Variants in UNC93A observed in about 807,000 individuals in gnomAD.
UNC93A encodes the protein unc-93 homolog A.
A neutral mutation model predicts 47.5 loss-of-function variants in UNC93A; 43 were observed. That is an observed-to-expected ratio of 0.91 (90% CI 0.71 to 1.17). The LOEUF is 1.17. UNC93A is among the 50% of genes most tolerant of loss of function. The pLI is 0.00. For synonymous variants in UNC93A, 280 were observed against 258.0 expected (o/e 1.09, Z -0.82); for missense variants, 605 against 577.6 (o/e 1.05, Z -0.49).
At chr6:167,277,403 C>A (rs1389398198) in intron 1 of UNC93A, among the ~76,000 whole-genome samples, 1 of 152,184 alleles carries the variant, frequency 6.6e-6, no homozygotes, top group Admixed American at 6.5e-5. Context: ...CTGGCCTGAC[C>A]AATTCAGGTG....
intron 7 of UNC93A, among the ~76,000 whole-genome samples, chr6:167,309,070 A>G (rs77838046): frequency 0.013 from 2,011 of 152,222 alleles, 50 homozygotes; most frequent in African/African-American, 0.046. Flanking sequence ...CCTGAGGGCA[A>G]GAGAGCTGGA....
intron 1 of UNC93A, among the ~76,000 whole-genome samples, chr6:167,294,191 T>A (rs1289582937): frequency 6.6e-6 from 1 of 152,150 alleles, no homozygotes; most frequent in Non-Finnish European, 1.5e-5. Context: ...CCCCATCCTG[T>A]CACACTGTCC....
At chr6:167,285,979 T>TAC (rs1554237667) in intron 1 of UNC93A, among the ~76,000 whole-genome samples, 16,474 of 141,808 alleles carry the variant, frequency 0.12, 1,224 homozygotes, top group Non-Finnish European at 0.15. Flanking sequence ...TATATATATA[T>TAC]ACACACACAC....
chr6:167,308,568 G>T (rs1008896680), intron 7 of UNC93A, among the ~76,000 whole-genome samples: 3 of 152,014 alleles, frequency 2.0e-5, no homozygotes, highest in African/African-American at 7.3e-5. Flanking sequence ...GTGGGGTGCA[G>T]GAGGAACCAG....
intron 1 of UNC93A, among the ~76,000 whole-genome samples, chr6:167,276,279 T>C (rs1562339537): frequency 1.3e-5 from 2 of 152,126 alleles, no homozygotes; most frequent in East Asian, 3.9e-4. Flanking sequence ...GTTGGTTCCA[T>C]ATCTTGGCTA....
At chr6:167,297,864 C>A in intron 3 of UNC93A, 81 bp from the exon 4 acceptor site, 1 of 1,555,008 alleles carries the variant, frequency 6.4e-7, no homozygotes, top group Non-Finnish European at 8.7e-7. Context: ...GTCCTTTCCA[C>A]TGTCACTTTG....
At position 167,277,336 on chromosome 6, in the gene UNC93A, C is replaced by T. The variant is rs116315499; in HGVS notation, c.-52+5878C>T. On this transcript the variant is annotated intron_variant, in intron 1 of 3. Coordinates refer to the UNC93A transcript ENST00000503433. The stretch of plus-strand genomic sequence containing the variant: ...CCTGCCTTGGCGACCTACCCTTAGC[C>T]GGTGGAGCCTTCCAGCTGGCCTCTG... Among the ~76,000 whole-genome samples the T allele has an allele frequency of 6.7e-3, 1,024 of 152,324 alleles. 17 individuals carry two copies. Among genetic ancestry groups the T allele is most frequent in the African/African-American group, 0.023 (954 of 41,560 alleles).
chr6:167,311,219 TA>T (rs1429740156), intron 7 of UNC93A, among the ~76,000 whole-genome samples: 1 of 152,200 alleles, frequency 6.6e-6, no homozygotes, highest in African/African-American at 2.4e-5. Context: ...CGACACCGAA[TA>T]AAACCCAATG....
chr6:167,307,172 G>A (rs1451230975), intron 6 of UNC93A, among the ~76,000 whole-genome samples: 2 of 152,192 alleles, frequency 1.3e-5, no homozygotes, highest in East Asian at 1.9e-4. Context: ...TAGCTTAGGG[G>A]CAACCTCAGG....
Position 167,297,947 on chromosome 6 carries a change from A to T in UNC93A, c.502A>T (p.Thr168Ser). Residue 168 changes from threonine (T) to serine (S), a missense_variant and splice_region_variant, in exon 4 of 8, where the codon ACC becomes TCC. Thr to Ser is a moderately conservative substitution (Grantham distance 58, BLOSUM62 1). Transcript: ENST00000230256. Reference protein sequence around the residue: ...LVFGQTPSQETLPEEQLTSCG... With the variant: ...LVFGQTPSQESLPEEQLTSCG... ...TCCTGTCCACTCTGACTTCATAGAG[A>T]CCCTTCCAGAAGAGCAGCTCACGTC... 6 of 1,613,568 alleles carry T rather than the reference A, an allele frequency of 3.7e-6. No homozygotes were observed. The highest frequency in any genetic ancestry group is 5.1e-6 in the Non-Finnish European group (6 of 1,179,886).
chr6:167,299,208 A>G (rs5742149), intron 4 of UNC93A, among the ~76,000 whole-genome samples: 32,370 of 99,012 alleles, frequency 0.33, 3,801 homozygotes, highest in African/African-American at 0.53. Context: ...ATATGTATAT[A>G]TATATATATA....
intron 1 of UNC93A, among the ~76,000 whole-genome samples, chr6:167,280,228 G>T (rs1002603581): frequency 2.0e-5 from 3 of 152,160 alleles, no homozygotes; most frequent in African/African-American, 7.2e-5. Flanking sequence ...CTTGAGAGTG[G>T]CTCCTACCCC....
At chr6:167,301,624 C>T (rs968138987) in intron 4 of UNC93A, among the ~76,000 whole-genome samples, 29 of 152,170 alleles carry the variant, frequency 1.9e-4, no homozygotes, top group Middle Eastern at 3.2e-3. Flanking sequence ...GACACCCGGA[C>T]ATACATAATT....
At chr6:167,313,373 G>A (rs562243146) in intron 7 of UNC93A, among the ~76,000 whole-genome samples, 1 of 152,218 alleles carries the variant, frequency 6.6e-6, no homozygotes, top group African/African-American at 2.4e-5. Flanking sequence ...TTCTTCATGT[G>A]ACATGTGAGG....
chr6:167,272,972 T>C (rs771753577), intron 1 of UNC93A, among the ~76,000 whole-genome samples: 28 of 152,014 alleles, frequency 1.8e-4, no homozygotes, highest in African/African-American at 2.4e-5. Flanking sequence ...AATTTAAGAG[T>C]GCCCTGGCAG....
chr6:167,306,950 CT>C (rs1778413946), intron 6 of UNC93A, among the ~76,000 whole-genome samples: 1 of 152,128 alleles, frequency 6.6e-6, no homozygotes, highest in Non-Finnish European at 1.5e-5. Context: ...AATCTGTGAC[CT>C]GCTGGGACGA....
intron 1 of UNC93A, among the ~76,000 whole-genome samples, chr6:167,273,425 C>T (rs532582587): frequency 5.9e-5 from 9 of 152,340 alleles, no homozygotes; most frequent in Admixed American, 5.9e-4. Flanking sequence ...GACTCTGACC[C>T]TGTACCTGGC....
rs200361380 is a variant in UNC93A, at chr6:167,315,318, C to T, written c.1240C>T (p.Leu414=). The change falls in exon 8 of 8, where the codon CTG becomes TTG. Residue 414 remains leucine (L), a synonymous_variant. Transcript: ENST00000230256. ...GTGCGTGCACGTCAAGCTCTACATT[C>T]TGCTGGGGGTCCTGAGCCTGACCAT... is the stretch of plus-strand genomic sequence containing the variant. ...FLCVHVKLYI[L]LGVLSLTMVA... is the part of the protein sequence containing the mutation. 1 of 1,613,946 alleles carries T rather than the reference C, an allele frequency of 6.2e-7. No homozygotes were observed. The highest frequency in any genetic ancestry group is 1.7e-4 in the Middle Eastern group (1 of 6,050).
chr6:167,281,633 G>T (rs1490005832), intron 1 of UNC93A, among the ~76,000 whole-genome samples: 1 of 152,174 alleles, frequency 6.6e-6, no homozygotes, highest in East Asian at 1.9e-4. Context: ...GTGGTGAGGG[G>T]AGATTCAGGC....
Sources: allele counts gnomAD v4.1 joint callset (sites outside exome capture counted in the v4.1 genomes callset), GRCh38; gene constraint gnomAD v4.1.1; transcripts MANE v1.5; gene names NCBI Gene and HGNC (gene_info 2026-07-23, HGNC 2026-07-21).